Variants in ZDHHC3 observed in about 807,000 individuals in gnomAD.
ZDHHC3 encodes the protein zDHHC palmitoyltransferase 3.
A neutral mutation model predicts 30.6 loss-of-function variants in ZDHHC3; 9 were observed. That is an observed-to-expected ratio of 0.29 (90% CI 0.18 to 0.51). The LOEUF (loss-of-function observed/expected upper bound fraction) is 0.51, where lower values mean the gene tolerates loss of function less well. Ranked by LOEUF, ZDHHC3 falls within the 20% of genes least tolerant of loss-of-function variation. The probability of loss-of-function intolerance (pLI) is 0.97; values close to 1 mark genes in which losing one functional copy is unlikely to be tolerated. For synonymous variants in ZDHHC3, 136 were observed against 140.2 expected (o/e 0.97, Z 0.21); for missense variants, 246 against 384.2 (o/e 0.64, Z 3.01).
intron 5 of ZDHHC3, among the ~76,000 whole-genome samples, chr3:44,930,843 G>C (rs1016998433): frequency 1.3e-5 from 2 of 152,290 alleles, no homozygotes; most frequent in East Asian, 3.9e-4. Flanking sequence ...TACAAGTATG[G>C]GTGGCCTTGG....
At chr3:44,932,112 G>A (rs1179101183) in intron 5 of ZDHHC3, among the ~76,000 whole-genome samples, 3 of 152,158 alleles carry the variant, frequency 2.0e-5, no homozygotes, top group African/African-American at 4.8e-5. Context: ...CCCTTGTCAA[G>A]TAACCAAGGC....
At chr3:44,935,485 C>T (rs984517059) in intron 3 of ZDHHC3, among the ~76,000 whole-genome samples, 1 of 152,198 alleles carries the variant, frequency 6.6e-6, no homozygotes, top group Admixed American at 6.5e-5. Flanking sequence ...GGGTCTCAAA[C>T]TCCTGAGCTC....
intron 1 of ZDHHC3, among the ~76,000 whole-genome samples, chr3:44,973,113 G>C (rs919234845): frequency 9.9e-5 from 15 of 152,192 alleles, no homozygotes; most frequent in African/African-American, 1.7e-4. Context: ...TGATTCAAGG[G>C]ATATGAGTTT....
chr3:44,933,996 C>G lies in ZDHHC3; in HGVS notation c.432-12G>C. 6.2e-7 allele frequency: 1 copy of G among 1,614,066 alleles called. No homozygotes were observed. ...ACCGCTTACAAACACTGAAACAGCC[C>G]ACAGGTCAGACCTTTAGGGCATCCC... is the stretch of plus-strand genomic sequence containing the variant. On this transcript the variant is annotated splice_polypyrimidine_tract_variant and intron_variant, in intron 3 of 6. Coordinates refer to ENST00000424952, the MANE Select transcript of ZDHHC3 (RefSeq NM_001135179.2).
At position 44,921,874 on chromosome 3, in the gene ZDHHC3, C is replaced by G. The variant is rs924149421; in HGVS notation, c.*4815G>C. ...CTCAGCTGCAGAAATTCAGGGCATC[C>G]TTATGTCCGTGTTAGAGCATGTGCG... On this transcript the variant is annotated 3_prime_UTR_variant, in exon 7 of 7. Coordinates refer to ENST00000424952, the MANE Select transcript of ZDHHC3 (RefSeq NM_001135179.2). 24 of 985,260 alleles carry G rather than the reference C, an allele frequency of 2.4e-5. No homozygotes were observed. Among genetic ancestry groups the G allele is most frequent in the Non-Finnish European group, 2.9e-5 (24 of 829,924 alleles). The allele number at this position is 985,260 out of a possible 1,614,324, so 61.0% of individuals were successfully genotyped here.
At position 44,923,902 on chromosome 3, in the gene ZDHHC3, A is replaced by G. The variant is rs896655626; in HGVS notation, c.*2787T>C. The G allele has an allele frequency of 5.1e-6, 5 of 985,294 alleles. No homozygotes were observed. Among genetic ancestry groups the G allele is most frequent in the Non-Finnish European group, 6.0e-6 (5 of 829,936 alleles). 61.0% of individuals were successfully genotyped at this position (985,294 alleles called of 1,614,324 possible). On this transcript the variant is annotated 3_prime_UTR_variant, in exon 7 of 7. Coordinates refer to ENST00000424952, the MANE Select transcript of ZDHHC3 (RefSeq NM_001135179.2). ...TACCCAAATGTGTTTTGTGTACATG[A>G]TATTACCAAGCCCATGCAAATATGC... is the stretch of plus-strand genomic sequence containing the variant.
At position 44,916,297 on chromosome 3, in the gene ZDHHC3, CG is replaced by C. The variant is rs1700160719; in HGVS notation, c.*10391del. ...TAGTGGGTCATCAGTTGTAGAGAGACGGTCTCTGGCAGGATCGTTGCCCTTC... is the reference window on the plus strand; with the variant it reads ...TAGTGGGTCATCAGTTGTAGAGAGACGTCTCTGGCAGGATCGTTGCCCTTC... On this transcript the variant is annotated 3_prime_UTR_variant, in exon 7 of 7. Transcript: ENST00000424952. 6 of 152,388 alleles carry C rather than the reference CG, an allele frequency of 3.9e-5. 1 individual carries two copies. The highest frequency in any genetic ancestry group is 1.4e-4 in the African/African-American group (6 of 41,582). 9.4% of individuals were successfully genotyped at this position (152,388 alleles called of 1,614,324 possible).
Position 44,921,111 on chromosome 3 carries a change from C to CT in ZDHHC3, c.*5577dup. ...GGGGTCATAGTCGACACCAGAAGCT[C>CT]TTGCAGGGTGTGTGATGGGCCTTTT... On this transcript the variant is annotated 3_prime_UTR_variant, in exon 7 of 7. Transcript: ENST00000424952. 1 of 985,424 alleles carries CT rather than the reference C, an allele frequency of 1.0e-6. No homozygotes were observed. The highest frequency in any genetic ancestry group is 1.7e-5 in the African/African-American group (1 of 57,360). The allele number at this position is 985,424 out of a possible 1,614,324, so 61.0% of individuals were successfully genotyped here. A position where few individuals can be genotyped will look rare whatever the true frequency, so the allele number is the denominator to read the frequency against.
At chr3:44,934,893 CAAAAAAAAAAAA>C (rs886501187) in intron 3 of ZDHHC3, among the ~76,000 whole-genome samples, 3 of 60,068 alleles carry the variant, frequency 5.0e-5, no homozygotes, top group African/African-American at 1.9e-4. Flanking sequence ...ACTCTGTCTC[CAAAAAAAAAAAA>C]AAAAAAAAAA....
chr3:44,929,702 C>T (rs1183573602), intron 5 of ZDHHC3, among the ~76,000 whole-genome samples: 1 of 152,218 alleles, frequency 6.6e-6, no homozygotes, highest in African/African-American at 2.4e-5. Context: ...GTTCACTGCC[C>T]CCAGTGCCAA....
Position 44,918,025 on chromosome 3 carries a change from G to A in ZDHHC3, c.*8664C>T, listed in dbSNP as rs1367451882. 14 of 1,305,426 alleles carry A rather than the reference G, an allele frequency of 1.1e-5. No individual in the cohort carries two copies. Among genetic ancestry groups the A allele is most frequent in the East Asian group, 1.1e-4 (2 of 18,014 alleles). The allele number at this position is 1,305,426 out of a possible 1,614,324, so 80.9% of individuals were successfully genotyped here. A position where few individuals can be genotyped will look rare whatever the true frequency, so the allele number is the denominator to read the frequency against. On this transcript the variant is annotated 3_prime_UTR_variant, in exon 7 of 7. Coordinates refer to ENST00000424952, the MANE Select transcript of ZDHHC3 (RefSeq NM_001135179.2). ...GTCACTGGGGATCTCTGGCTGACAC[G>A]GTCTGGAGAAGGGGTTGAACCAGTT...
At chr3:44,968,368 C>T (rs1034762005) in intron 1 of ZDHHC3, among the ~76,000 whole-genome samples, 2 of 152,166 alleles carry the variant, frequency 1.3e-5, no homozygotes, top group Non-Finnish European at 2.9e-5. Context: ...AGCAGACTTT[C>T]CTTTCACTGG....
Position 44,926,941 on chromosome 3 carries a change from G to A in ZDHHC3, c.742-94C>T, listed in dbSNP as rs534368822. The A allele has an allele frequency of 2.5e-5, 36 of 1,429,872 alleles. No homozygotes were observed. In the African/African-American group the frequency reaches 4.3e-4, roughly 17 times the overall value. 88.6% of individuals were successfully genotyped at this position (1,429,872 alleles called of 1,614,324 possible). On this transcript the variant is annotated intron_variant, in intron 6 of 6. Transcript: ENST00000424952. ...GCAGCGACAGGTGAATGGAGTAAATGTTTCCTTTTTAAAGCAACAAAGCTA... is the reference window on the plus strand; with the variant it reads ...GCAGCGACAGGTGAATGGAGTAAATATTTCCTTTTTAAAGCAACAAAGCTA...
At chr3:44,969,171 A>G (rs1183653691) in intron 1 of ZDHHC3, among the ~76,000 whole-genome samples, 2 of 152,092 alleles carry the variant, frequency 1.3e-5, no homozygotes, top group Non-Finnish European at 2.9e-5. Context: ...GCATGATCTC[A>G]TTTGACAATG....
intron 1 of ZDHHC3, among the ~76,000 whole-genome samples, chr3:44,963,313 G>A (rs1704639913): frequency 6.6e-6 from 1 of 152,176 alleles, no homozygotes; most frequent in Non-Finnish European, 1.5e-5. Context: ...GGCAGGGCCA[G>A]ACACCAAGTC....
At chr3:44,976,174 T>TGATGACGC (rs1705987500), upstream of ZDHHC3, 1 of 1,040,346 alleles carries the variant, frequency 9.6e-7, no homozygotes, top group African/African-American at 1.8e-5. Context: ...CCGCGCAGGT[T>TGATGACGC]GATGACGCGC....
At chr3:44,950,190 A>C (rs1703319444) in intron 2 of ZDHHC3, among the ~76,000 whole-genome samples, 1 of 152,090 alleles carries the variant, frequency 6.6e-6, no homozygotes, top group Non-Finnish European at 1.5e-5. Context: ...GTGGATCCTA[A>C]AACCAGAAAA....
intron 3 of ZDHHC3, 53 bp from the exon 4 acceptor site, chr3:44,934,037 G>T (rs1293264554): frequency 6.4e-7 from 1 of 1,560,488 alleles, no homozygotes; most frequent in East Asian, 2.2e-5. Flanking sequence ...TGTTGGGAGG[G>T]CCCCGGGGGA....
At chr3:44,961,230 A>G (rs1704453889) in intron 1 of ZDHHC3, among the ~76,000 whole-genome samples, 1 of 152,192 alleles carries the variant, frequency 6.6e-6, no homozygotes, top group South Asian at 2.1e-4. Context: ...ATCTCTACTG[A>G]AAATACAAAA....
Sources: allele counts gnomAD v4.1 joint callset (sites outside exome capture counted in the v4.1 genomes callset), GRCh38; gene constraint gnomAD v4.1.1; transcripts MANE v1.5; gene names NCBI Gene and HGNC (gene_info 2026-07-23, HGNC 2026-07-21).